Variants in KNL1 observed in about 807,000 individuals in gnomAD.
The protein encoded by KNL1 is outer kinetochore KNL1 complex subunit KNL1.
A neutral mutation model predicts 201.3 loss-of-function variants in KNL1; 66 were observed. That is an observed-to-expected ratio of 0.33 (90% CI 0.27 to 0.40). The LOEUF is 0.40. KNL1 is among the 10% of genes least tolerant of loss of function. The pLI, the probability that KNL1 is intolerant of heterozygous loss-of-function variation, is 1.00. For synonymous variants in KNL1, 895 were observed against 899.2 expected (o/e 1.00, Z 0.08); for missense variants, 2,815 against 2,690.5 (o/e 1.05, Z -1.02).
intron 16 of KNL1, 118 bp downstream of exon 16, chr15:40,645,890 TAAC>T (rs1432517810): frequency 1.9e-6 from 1 of 522,424 alleles, no homozygotes; most frequent in Non-Finnish European, 3.2e-6. Context: ...GGCAAAAACT[TAAC>T]AATTAAGAGG....
rs1344240953 is a variant in KNL1, at chr15:40,624,951, A to G, written c.4687A>G (p.Asn1563Asp). 5.0e-6 allele frequency: 8 copies of G among 1,613,830 alleles called. No individual in the cohort carries two copies. The highest frequency in any genetic ancestry group is 5.1e-6 in the Non-Finnish European group (6 of 1,179,958). The change falls in exon 10 of 26, where the codon AAT (asparagine) becomes GAT (aspartate). Residue 1563 changes from asparagine (N) to aspartate (D), a missense_variant. Around this residue, in one of 3 missense-constraint regions of KNL1, gnomAD observed 2,464 missense variants for 2,291.7 expected, o/e 1.08. Transcript: ENST00000399668. ...TCATAGTATCAAACCAAATCTGAAT[A>G]ATTTGAATGGAAAAACTGGAGAGTT... The part of the protein sequence containing the change: ...CFHSIKPNLN[N>D]LNGKTGEFLA...
At chr15:40,618,856 G>T in intron 8 of KNL1, 103 bp from the exon 9 acceptor site, 1 of 695,726 alleles carries the variant, frequency 1.4e-6, no homozygotes, top group East Asian at 2.6e-5. Context: ...TTAGTTACTG[G>T]TAAATTCTAG....
At chr15:40,598,067 G>A (rs1043788129) in intron 1 of KNL1, among the ~76,000 whole-genome samples, 4 of 151,914 alleles carry the variant, frequency 2.6e-5, no homozygotes, top group East Asian at 1.9e-4. Flanking sequence ...CTACTCTGGC[G>A]GGTGAGGCAG....
chr15:40,624,993 G>C lies in KNL1; in HGVS notation c.4729G>C (p.Val1577Leu), dbSNP rs1892692020. 6.2e-7 allele frequency: 1 copy of C among 1,613,828 alleles called. No homozygotes were observed. The highest frequency in any genetic ancestry group is 8.5e-7 in the Non-Finnish European group (1 of 1,179,962). Residue 1577 changes from valine (V) to leucine (L), a missense_variant, in exon 10 of 26, where the codon GTT becomes CTT. Transcript: ENST00000399668. ...TGGAGAGTTTTTAGCCTTTCAAACTGTTCATCTACCACCCCTTCCAGAGCA... is the reference window on the plus strand; with the variant it reads ...TGGAGAGTTTTTAGCCTTTCAAACTCTTCATCTACCACCCCTTCCAGAGCA... ...KTGEFLAFQT[V>L]HLPPLPEQLL...
intron 21 of KNL1, among the ~76,000 whole-genome samples, chr15:40,653,492 A>G (rs1893632390): frequency 6.6e-6 from 1 of 151,970 alleles, no homozygotes; most frequent in South Asian, 2.1e-4. Context: ...CGCCCAACCT[A>G]CTGGTTTTAA....
At chr15:40,620,310 A>G (rs1268387034) in intron 9 of KNL1, among the ~76,000 whole-genome samples, 3 of 151,448 alleles carry the variant, frequency 2.0e-5, no homozygotes, top group Non-Finnish European at 2.9e-5. Flanking sequence ...GGTTCACACC[A>G]TTCTCCTGCC....
At position 40,637,057 on chromosome 15, in the gene KNL1, T is replaced by C. The variant is rs540050543; in HGVS notation, c.5683-3855T>C. On this transcript the variant is annotated intron_variant, in intron 13 of 25. Transcript: ENST00000399668. ...CTGATCGTCTTATGCCTTTTTTTTT[T>C]CCCCAGTTTGTTTTCTTGGGATCCA... Among the ~76,000 whole-genome samples, 129 of 152,134 alleles carry C rather than the reference T, an allele frequency of 8.5e-4. 6 individuals are homozygous for C. The highest frequency in any genetic ancestry group is 2.5e-3 in the East Asian group (13 of 5,190).
rs766372440 is a variant in KNL1, at chr15:40,622,970, T to G, written c.2706T>G (p.Ser902=). 1 of 1,613,848 alleles carries G rather than the reference T, an allele frequency of 6.2e-7. No individual in the cohort carries two copies. The highest frequency in any genetic ancestry group is 1.1e-5 in the South Asian group (1 of 91,046). ...DCHLVPLAGT[S]ETILYTCRQD... Reference sequence around the variant, plus strand: ...ATTTGGTGCCATTGGCAGGAACTTCTGAAACTATTTTATATACATGTAGGC... The same window carrying G: ...ATTTGGTGCCATTGGCAGGAACTTCGGAAACTATTTTATATACATGTAGGC... Residue 902 remains serine (S), a synonymous_variant, in exon 10 of 26, where the codon TCT becomes TCG. Coordinates refer to ENST00000399668, the MANE Select transcript of KNL1 (RefSeq NM_144508.5).
chr15:40,616,217 G>A (rs1474006231), intron 8 of KNL1, among the ~76,000 whole-genome samples: 2 of 149,308 alleles, frequency 1.3e-5, no homozygotes, highest in Non-Finnish European at 3.0e-5. Flanking sequence ...TCTACCTCCC[G>A]GGTTCAAGCA....
chr15:40,637,536 C>T (rs977044946), intron 13 of KNL1, among the ~76,000 whole-genome samples: 17 of 152,106 alleles, frequency 1.1e-4, no homozygotes, highest in Non-Finnish European at 1.9e-4. Context: ...TGCCTTAAAA[C>T]CCAAAATGTT....
At chr15:40,650,153 G>T in intron 17 of KNL1, 148 bp from the exon 18 acceptor site, 1 of 545,184 alleles carries the variant, frequency 1.8e-6, no homozygotes, top group Non-Finnish European at 3.2e-6. Context: ...GAAACCATCA[G>T]ACTAGAACTT....
chr15:40,656,587 A>T (rs951278255), intron 22 of KNL1, among the ~76,000 whole-genome samples: 1 of 151,978 alleles, frequency 6.6e-6, no homozygotes. Context: ...GTTTGAAAAT[A>T]AAAATGGAGA....
chr15:40,622,894 G>A lies in KNL1; in HGVS notation c.2630G>A (p.Ser877Asn), dbSNP rs371131813. The A allele has an allele frequency of 1.4e-5, 23 of 1,612,496 alleles. No homozygotes were observed. In the African/African-American group the frequency reaches 3.1e-4, roughly 22 times the overall value. ...AAGAATGATATGGATATCACTAAGA[G>A]TTATACAATAGAAATAAACCATAGA... ...DDKNDMDITK[S>N]YTIEINHRPL... Residue 877 changes from serine to asparagine, a missense_variant, in exon 10 of 26, where the codon AGT becomes AAT. Around this residue, in one of 3 missense-constraint regions of KNL1, gnomAD observed 2,464 missense variants for 2,291.7 expected, o/e 1.08. Coordinates refer to ENST00000399668, the MANE Select transcript of KNL1 (RefSeq NM_144508.5).
chr15:40,599,312 CA>C (rs547293277), intron 1 of KNL1, among the ~76,000 whole-genome samples: 2,078 of 57,162 alleles, frequency 0.036, 22 homozygotes, highest in Non-Finnish European at 0.054. Flanking sequence ...GATTCTGCCT[CA>C]AAAAAAAAAA....
chr15:40,624,381 A>G lies in KNL1; in HGVS notation c.4117A>G (p.Thr1373Ala). The part of the protein sequence containing the change: ...PLLEKEEVIQ[T>A]STKGQLDCVI... The stretch of plus-strand genomic sequence containing the variant: ...GTTAGAGAAGGAAGAAGTTATTCAA[A>G]CCAGTACCAAAGGACAGTTAGACTG... Residue 1373 changes from threonine to alanine, a missense_variant, in exon 10 of 26, where the codon ACC becomes GCC. Thr to Ala is a moderately conservative substitution (Grantham distance 58). Coordinates refer to ENST00000399668, the MANE Select transcript of KNL1 (RefSeq NM_144508.5). 6.2e-7 allele frequency: 1 copy of G among 1,614,000 alleles called. No homozygotes were observed. The highest frequency in any genetic ancestry group is 1.1e-5 in the South Asian group (1 of 91,080).
chr15:40,624,030 G>A lies in KNL1; in HGVS notation c.3766G>A (p.Val1256Ile). ...TCATAGTGCTGCTATGGATGAAAAGGTCATAGGGAAAGTTGTAGACCAGGC... is the reference window on the plus strand; with the variant it reads ...TCATAGTGCTGCTATGGATGAAAAGATCATAGGGAAAGTTGTAGACCAGGC... ...KFHSAAMDEK[V>I]IGKVVDQACT... Residue 1256 changes from valine to isoleucine, a missense_variant, in exon 10 of 26, where the codon GTC becomes ATC. Physicochemically the swap from Val to Ile is conservative, Grantham distance 29. Coordinates refer to ENST00000399668, the MANE Select transcript of KNL1 (RefSeq NM_144508.5). 6.2e-7 allele frequency: 1 copy of A among 1,613,982 alleles called. No homozygotes were observed.
At chr15:40,609,235 C>A (rs1190198673) in intron 5 of KNL1, among the ~76,000 whole-genome samples, 1 of 145,906 alleles carries the variant, frequency 6.9e-6, no homozygotes, top group Non-Finnish European at 1.5e-5. Flanking sequence ...TAGCGAGATC[C>A]CATCTCTACA....
At chr15:40,599,868 G>A (rs542541089) in intron 1 of KNL1, among the ~76,000 whole-genome samples, 4 of 143,716 alleles carry the variant, frequency 2.8e-5, no homozygotes, top group Admixed American at 7.2e-5. Context: ...AGCTATTCAC[G>A]GTTGCAATCA....
chr15:40,609,928 A>G (rs921684654), intron 5 of KNL1, among the ~76,000 whole-genome samples: 14 of 152,288 alleles, frequency 9.2e-5, no homozygotes, highest in African/African-American at 3.4e-4. Flanking sequence ...TGGTGAGGCT[A>G]CTCGGGAGGC....
Sources: gnomAD v4.1 joint callset for allele counts (sites outside exome capture counted in the v4.1 genomes callset) on GRCh38, gnomAD v4.1.1 for gene constraint, gnomAD v4.1.1 regional missense constraint, MANE v1.5 for transcripts, NCBI Gene and HGNC (gene_info 2026-07-23, HGNC 2026-07-21) for gene names.